CNTNAP2: variants seen among roughly 807,000 people sequenced by gnomAD.
CNTNAP2 encodes the protein contactin associated protein 2, also known as contactin-associated protein-like 2.
A neutral mutation model predicts 155.2 loss-of-function variants in CNTNAP2; 98 were observed. The observed-to-expected ratio is 0.63, with a 90% CI of 0.54 to 0.75. CNTNAP2 has a LOEUF of 0.75. CNTNAP2 is among the 30% of genes least tolerant of loss of function. The pLI, the probability that CNTNAP2 is intolerant of heterozygous loss-of-function variation, is 0.00. For missense variants in CNTNAP2, 1,727 were observed against 1,688.1 expected (o/e 1.02, Z -0.40); for synonymous variants, 651 against 631.2 (o/e 1.03, Z -0.47).
In CNTNAP2 at chr7:147,903,294, A is replaced by G. The variant is rs150429185; in HGVS notation, c.2099-271A>G. ...ATCTTATTTTGAGGATTTTCTATTC[A>G]TAGCCTTAGCCCACTTTTTGATGGG... On this transcript the variant is annotated intron_variant, in intron 13 of 23. Transcript: ENST00000361727. Among the ~76,000 whole-genome samples, 793 of 152,258 alleles carry G rather than the reference A, an allele frequency of 5.2e-3. 3 individuals are homozygous for G. Among genetic ancestry groups the G allele is most frequent in the Non-Finnish European group, 8.4e-3 (569 of 68,022 alleles).
intron 1 of CNTNAP2, among the ~76,000 whole-genome samples, chr7:146,265,043 A>C (rs903162349): frequency 2.0e-5 from 3 of 152,188 alleles, no homozygotes; most frequent in Non-Finnish European, 4.4e-5. Context: ...AAGACAATAA[A>C]ATTCTAATGG....
chr7:147,768,678 G>C (rs1797420689), intron 13 of CNTNAP2, among the ~76,000 whole-genome samples: 2 of 151,874 alleles, frequency 1.3e-5, no homozygotes, highest in Admixed American at 1.3e-4. Context: ...AATGGCCTCG[G>C]GTGTCACAGA....
intron 1 of CNTNAP2, among the ~76,000 whole-genome samples, chr7:146,385,703 G>C (rs1563064105): frequency 6.6e-6 from 1 of 152,142 alleles, no homozygotes. Context: ...ACTGATTACT[G>C]ATCCCTTGGG....
chr7:146,927,234 A>T (rs925235046), intron 3 of CNTNAP2, among the ~76,000 whole-genome samples: 1 of 152,154 alleles, frequency 6.6e-6, no homozygotes. Flanking sequence ...TAACCTTGAA[A>T]CTGGGAAAGC....
intron 20 of CNTNAP2, among the ~76,000 whole-genome samples, chr7:148,260,281 G>A (rs1796534926): frequency 6.6e-6 from 1 of 152,188 alleles, no homozygotes; most frequent in Non-Finnish European, 1.5e-5. Context: ...ACTGTGGCCT[G>A]CAGCTCACCG....
rs1192886629 is a variant in CNTNAP2, at chr7:148,147,719, G to A, written c.2773+10G>A. The A allele has an allele frequency of 6.2e-7, 1 of 1,612,186 alleles. No homozygotes were observed. Among genetic ancestry groups the A allele is most frequent in the East Asian group, 2.2e-5 (1 of 44,838 alleles). On this transcript the variant is annotated intron_variant, in intron 17 of 23. Coordinates refer to ENST00000361727, the MANE Select transcript of CNTNAP2 (RefSeq NM_014141.6). ...AGCCAGTTATTTGTGGGTAAGTAATGGAAAGGTAACCATGGCTTCCCTCTG... is the reference window on the plus strand; with the variant it reads ...AGCCAGTTATTTGTGGGTAAGTAATAGAAAGGTAACCATGGCTTCCCTCTG...
intron 13 of CNTNAP2, among the ~76,000 whole-genome samples, chr7:147,716,994 A>G (rs1448833444): frequency 6.6e-6 from 1 of 152,126 alleles, no homozygotes; most frequent in Admixed American, 6.6e-5. Context: ...TGGGAGCTAC[A>G]TGCTTGGCAA....
chr7:147,103,196 T>C (rs530617907), intron 4 of CNTNAP2, among the ~76,000 whole-genome samples: 29 of 152,160 alleles, frequency 1.9e-4, no homozygotes, highest in Non-Finnish European at 3.1e-4. Context: ...GTGCTGGGCT[T>C]TAGAATGGAA....
intron 9 of CNTNAP2, among the ~76,000 whole-genome samples, chr7:147,370,322 A>G (rs1046431321): frequency 6.6e-6 from 1 of 152,138 alleles, no homozygotes; most frequent in Non-Finnish European, 1.5e-5. Flanking sequence ...AGACAGAGCT[A>G]TTTTGTGAAG....
At chr7:147,629,739 A>G (rs2116907672) in intron 12 of CNTNAP2, among the ~76,000 whole-genome samples, 1 of 152,266 alleles carries the variant, frequency 6.6e-6, no homozygotes, top group South Asian at 2.1e-4. Flanking sequence ...CATTGAGTCA[A>G]CAATGAAATA....
chr7:147,567,213 G>A (rs143753378), intron 12 of CNTNAP2, among the ~76,000 whole-genome samples: 52 of 152,296 alleles, frequency 3.4e-4, no homozygotes, highest in Middle Eastern at 3.4e-3. Flanking sequence ...TAGGACACCA[G>A]CAAAATCTTC....
intron 6 of CNTNAP2, among the ~76,000 whole-genome samples, chr7:147,125,262 G>A (rs181155240): frequency 1.4e-4 from 21 of 151,974 alleles, no homozygotes; most frequent in East Asian, 1.2e-3. Context: ...TGATCTGCCC[G>A]CCTCAGCCTC....
chr7:147,133,748 T>C (rs1801424053), intron 8 of CNTNAP2, among the ~76,000 whole-genome samples: 1 of 152,060 alleles, frequency 6.6e-6, no homozygotes, highest in Non-Finnish European at 1.5e-5. Context: ...TATGGTCTAT[T>C]ACTGAAAAGG....
chr7:147,758,330 C>T (rs183882565), intron 13 of CNTNAP2, among the ~76,000 whole-genome samples: 1 of 152,176 alleles, frequency 6.6e-6, no homozygotes, highest in Non-Finnish European at 1.5e-5. Flanking sequence ...ATGTCACACT[C>T]TCTTTTCTTT....
At chr7:146,991,999 A>T (rs1798216983) in intron 3 of CNTNAP2, among the ~76,000 whole-genome samples, 1 of 152,136 alleles carries the variant, frequency 6.6e-6, no homozygotes, top group South Asian at 2.1e-4. Flanking sequence ...ATTCATTTCA[A>T]GGTTTTGGTG....
At chr7:146,789,425 G>T (rs2129188624) in intron 2 of CNTNAP2, among the ~76,000 whole-genome samples, 2 of 152,072 alleles carry the variant, frequency 1.3e-5, no homozygotes, top group South Asian at 4.1e-4. Flanking sequence ...TGATTTCTTT[G>T]CATGTTTTTT....
At chr7:147,121,381 A>G in intron 6 of CNTNAP2, 1 of 492,098 alleles carries the variant, frequency 2.0e-6, no homozygotes, top group Non-Finnish European at 3.6e-6. Flanking sequence ...CTTAGTACCA[A>G]TGTAATAATT....
intron 4 of CNTNAP2, among the ~76,000 whole-genome samples, chr7:147,073,328 A>AC (rs1417615427): frequency 1.4e-5 from 2 of 142,412 alleles, no homozygotes; most frequent in African/African-American, 5.1e-5. Context: ...AAAAAAAAAA[A>AC]CCACAAATAC....
At chr7:147,951,428 G>A (rs537312530) in intron 14 of CNTNAP2, among the ~76,000 whole-genome samples, 12 of 152,260 alleles carry the variant, frequency 7.9e-5, no homozygotes, top group Admixed American at 3.9e-4. Context: ...CCAAACCTCC[G>A]TATAATCAAG....
Sources: gnomAD v4.1 joint callset for allele counts (sites outside exome capture counted in the v4.1 genomes callset) on GRCh38, gnomAD v4.1.1 for gene constraint, MANE v1.5 for transcripts, NCBI Gene and HGNC (gene_info 2026-07-23, HGNC 2026-07-21) for gene names.